Variants in ITGB5 observed in about 807,000 individuals in gnomAD.
ITGB5 encodes integrin beta-5.
Under a neutral mutation model 84.8 loss-of-function variants are expected in ITGB5, and 38 were observed. That is an observed-to-expected ratio of 0.45 (90% confidence interval 0.35 to 0.59). The LOEUF (loss-of-function observed/expected upper bound fraction) is 0.59, where lower values mean the gene tolerates loss of function less well. Among genes scored for constraint, ITGB5 ranks in the 20% least tolerant of loss-of-function variants. The pLI is 0.01. For missense variants in ITGB5, 905 were observed against 1,034.5 expected (o/e 0.87, Z 1.72); for synonymous variants, 393 against 414.4 (o/e 0.95, Z 0.63).
intron 10 of ITGB5, among the ~76,000 whole-genome samples, chr3:124,795,861 T>C (rs1041705933): frequency 6.6e-6 from 1 of 152,208 alleles, no homozygotes; most frequent in Non-Finnish European, 1.5e-5. Context: ...CTAGGAGGTA[T>C]GCAGCCCTGC....
intron 5 of ITGB5, among the ~76,000 whole-genome samples, chr3:124,823,609 G>C (rs751650045): frequency 6.7e-6 from 1 of 149,320 alleles, no homozygotes; most frequent in East Asian, 1.9e-4. Context: ...AGCATTTATC[G>C]AGATGTATAG....
At chr3:124,778,185 G>C (rs1231238039) in intron 10 of ITGB5, among the ~76,000 whole-genome samples, 1 of 152,256 alleles carries the variant, frequency 6.6e-6, no homozygotes, top group African/African-American at 2.4e-5. Context: ...TGAAGGACAT[G>C]TGAAATCCCT....
At chr3:124,871,177 C>T (rs2107636614) in intron 2 of ITGB5, among the ~76,000 whole-genome samples, 1 of 151,964 alleles carries the variant, frequency 6.6e-6, no homozygotes, top group South Asian at 2.1e-4. Context: ...AGGTGTGAGC[C>T]ACTGCACACC....
At chr3:124,804,240 C>T (rs1404890417) in intron 9 of ITGB5, among the ~76,000 whole-genome samples, 1 of 152,100 alleles carries the variant, frequency 6.6e-6, no homozygotes, top group East Asian at 1.9e-4. Flanking sequence ...AAAAAAGAAC[C>T]GGGCTGGGCA....
chr3:124,782,967 T>C (rs527836202), intron 10 of ITGB5, among the ~76,000 whole-genome samples: 24 of 147,472 alleles, frequency 1.6e-4, no homozygotes, highest in African/African-American at 5.9e-4. Context: ...TTATTTTCCC[T>C]TTCTTTCTTT....
chr3:124,782,915 A>G (rs1332592520), intron 10 of ITGB5, among the ~76,000 whole-genome samples: 1 of 152,054 alleles, frequency 6.6e-6, no homozygotes, highest in Non-Finnish European at 1.5e-5. Flanking sequence ...GGGAGCTTGC[A>G]GTGAGTGTGG....
intron 10 of ITGB5, among the ~76,000 whole-genome samples, chr3:124,776,201 A>G (rs1237875133): frequency 6.6e-6 from 1 of 152,190 alleles, no homozygotes; most frequent in African/African-American, 2.4e-5. Flanking sequence ...AATGGGCAGC[A>G]TGAGCTCATC....
chr3:124,881,964 A>G (rs992474611), intron 1 of ITGB5, among the ~76,000 whole-genome samples: 2 of 152,090 alleles, frequency 1.3e-5, no homozygotes, highest in African/African-American at 4.8e-5. Flanking sequence ...TGAGACTCCA[A>G]TTAAAAAAAA....
At chr3:124,882,228 G>C (rs1034470166) in intron 1 of ITGB5, among the ~76,000 whole-genome samples, 3 of 152,212 alleles carry the variant, frequency 2.0e-5, no homozygotes, top group African/African-American at 7.2e-5. Flanking sequence ...CCTTATTCAC[G>C]GAGCTCACAT....
At chr3:124,764,351 G>C in intron 14 of ITGB5, 40 bp downstream of exon 14, 6 of 1,582,530 alleles carry the variant, frequency 3.8e-6, no homozygotes, top group Non-Finnish European at 5.2e-6. Flanking sequence ...ACGCCTCTGA[G>C]CTTGAAGTCT....
intron 9 of ITGB5, among the ~76,000 whole-genome samples, chr3:124,805,190 TGGA>T (rs2064381179): frequency 1.3e-5 from 2 of 151,762 alleles, no homozygotes; most frequent in East Asian, 1.9e-4. Flanking sequence ...TCACCCAGGC[TGGA>T]GTGCAGTGTC....
chr3:124,859,909 C>T (rs1244783962), intron 2 of ITGB5, among the ~76,000 whole-genome samples: 2 of 152,040 alleles, frequency 1.3e-5, no homozygotes, highest in Non-Finnish European at 2.9e-5. Context: ...ATAATGAGAC[C>T]TCCTCTCTAA....
chr3:124,810,985 A>AGTTTTCCAGCAAATTAACAGCTT (rs1253776909), intron 8 of ITGB5, among the ~76,000 whole-genome samples: 1 of 148,304 alleles, frequency 6.7e-6, no homozygotes, highest in Admixed American at 6.6e-5. Context: ...TGAAATATGT[A>AGTTTTCCAGCAAATTAACAGCTT]GTTTTCCAGC....
At chr3:124,890,242 C>T (rs1335139491), upstream of ITGB5, among the ~76,000 whole-genome samples, 3 of 141,104 alleles carry the variant, frequency 2.1e-5, no homozygotes, top group Non-Finnish European at 3.0e-5. Flanking sequence ...CTCGCTCTGT[C>T]GCCCAAGCTG....
At chr3:124,892,708 A>G (rs1935025979) in intron 1 of ITGB5, among the ~76,000 whole-genome samples, 1 of 151,624 alleles carries the variant, frequency 6.6e-6, no homozygotes, top group African/African-American at 2.4e-5. Flanking sequence ...AAAAAAAAAA[A>G]AAAAAGTTAA....
chr3:124,825,575 G>A (rs989988239), intron 5 of ITGB5, among the ~76,000 whole-genome samples: 2 of 152,096 alleles, frequency 1.3e-5, no homozygotes, highest in African/African-American at 2.4e-5. Flanking sequence ...ATTACGTTAA[G>A]GGCAAAAAGC....
intron 2 of ITGB5, among the ~76,000 whole-genome samples, chr3:124,866,883 T>C (rs549210870): frequency 6.6e-6 from 1 of 152,340 alleles, no homozygotes; most frequent in Admixed American, 6.5e-5. Flanking sequence ...TTCAATGGAC[T>C]TATTAATTCA....
chr3:124,766,470 T>TAAGGGGAAA, intron 12 of ITGB5, 125 bp from the exon 13 acceptor site: 1 of 1,142,454 alleles, frequency 8.8e-7, no homozygotes, highest in Non-Finnish European at 1.2e-6. Flanking sequence ...CAGAAAATCT[T>TAAGGGGAAA]AAGGGGAGGC....
intron 10 of ITGB5, among the ~76,000 whole-genome samples, chr3:124,794,810 G>GAA (rs200071041): frequency 0.016 from 2,042 of 130,714 alleles, 43 homozygotes; most frequent in African/African-American, 0.056. Context: ...GAAAGAAAGA[G>GAA]AGAGAGAGAG....
Sources: allele counts gnomAD v4.1 joint callset (sites outside exome capture counted in the v4.1 genomes callset), GRCh38; gene constraint gnomAD v4.1.1; transcripts MANE v1.5; gene names NCBI Gene and HGNC (gene_info 2026-07-23, HGNC 2026-07-21).